The following ADAMTS20 variants were observed in gnomAD, a reference collection of about 807,000 sequenced individuals.
The protein encoded by ADAMTS20 is ADAM metallopeptidase with thrombospondin type 1 motif 20.
In ADAMTS20, 225 loss-of-function variants were observed where a neutral mutation model predicts 260.1. The ratio of observed to expected loss-of-function variants is 0.87; its 90% CI spans 0.78 to 0.97. ADAMTS20 has a LOEUF of 0.97. Among genes scored for constraint, ADAMTS20 ranks in the 50% least tolerant of loss-of-function variants. ADAMTS20 has a pLI of 0.00. For synonymous variants in ADAMTS20, 802 were observed against 769.5 expected, an observed-to-expected ratio of 1.04 and a Z score of -0.70; for missense variants, 2,400 against 2,337.7, an observed-to-expected ratio of 1.03 and a Z score of -0.55.
Position 43,532,065 on chromosome 12 carries a change from AG to A in ADAMTS20, c.583del (p.Leu195CysfsTer4). The A allele has an allele frequency of 6.2e-7, 1 of 1,605,684 alleles. No individual in the cohort carries two copies. On this transcript the variant is annotated frameshift_variant, in exon 3 of 39. Coordinates refer to ENST00000389420, the MANE Select transcript of ADAMTS20 (RefSeq NM_025003.5). LOFTEE classifies it high-confidence loss of function. ...IYRQDLNNSF[L>X]QTLKYCSVSE... ...CACACTGCAATACTTCAGAGTCTGC[AG>A]AAAAGAGTTATTTAAGTCTTGTCTG...
intron 18 of ADAMTS20, among the ~76,000 whole-genome samples, chr12:43,435,974 G>A (rs1332922766): frequency 1.3e-5 from 2 of 152,080 alleles, no homozygotes; most frequent in African/African-American, 4.8e-5. Context: ...GTTCAACTTT[G>A]TGCTTCCAGT....
At chr12:43,425,122 T>C (rs935753069) in intron 28 of ADAMTS20, among the ~76,000 whole-genome samples, 4 of 152,154 alleles carry the variant, frequency 2.6e-5, no homozygotes, top group Admixed American at 6.5e-5. Context: ...ATGGATAGAA[T>C]TGGATACCAT....
chr12:43,472,291 G>T (rs925161969), intron 7 of ADAMTS20, among the ~76,000 whole-genome samples: 4 of 152,020 alleles, frequency 2.6e-5, no homozygotes, highest in Non-Finnish European at 5.9e-5. Context: ...ACAGAAAAAA[G>T]AATGAAAAGA....
intron 29 of ADAMTS20, among the ~76,000 whole-genome samples, chr12:43,391,656 T>C (rs1940599280): frequency 6.6e-6 from 1 of 152,180 alleles, no homozygotes; most frequent in South Asian, 2.1e-4. Context: ...GATCCATTAG[T>C]ATTCCCAACT....
chr12:43,429,106 G>C (rs1244806243), intron 24 of ADAMTS20, among the ~76,000 whole-genome samples: 2 of 151,848 alleles, frequency 1.3e-5, no homozygotes, highest in African/African-American at 4.8e-5. Flanking sequence ...TTAGGTAAGA[G>C]AATCTTATGA....
intron 28 of ADAMTS20, among the ~76,000 whole-genome samples, chr12:43,399,648 T>G (rs965650568): frequency 3.9e-5 from 6 of 152,148 alleles, no homozygotes; most frequent in African/African-American, 1.4e-4. Context: ...CTGTAAAGTA[T>G]GTTTTCTATG....
chr12:43,471,036 G>A (rs559698869), intron 7 of ADAMTS20, among the ~76,000 whole-genome samples: 101 of 152,270 alleles, frequency 6.6e-4, no homozygotes, highest in African/African-American at 2.3e-3. Flanking sequence ...CGTGAGCGAC[G>A]CAGAAGACGG....
In ADAMTS20 at chr12:43,464,652, T is replaced by C. The variant is rs1465135398; in HGVS notation, c.1448A>G (p.Tyr483Cys). The C allele has an allele frequency of 6.2e-7, 1 of 1,613,476 alleles. No homozygotes were observed. The highest frequency in any genetic ancestry group is 8.5e-7 in the Non-Finnish European group (1 of 1,179,494). The change falls in exon 10 of 39, where the codon TAT (tyrosine) becomes TGT (cysteine). Residue 483 changes from tyrosine to cysteine, a missense_variant. By Grantham distance (194) the Tyr-to-Cys change is radical (BLOSUM62 -2). Coordinates refer to ENST00000389420, the MANE Select transcript of ADAMTS20 (RefSeq NM_025003.5). Reference sequence around the variant, plus strand: ...AAGCTCACACTGCTTGTTTCCATCATATCGTGATCCAGGAAGTTCTGAAGG... The same window carrying C: ...AAGCTCACACTGCTTGTTTCCATCACATCGTGATCCAGGAAGTTCTGAAGG... Reference protein sequence around the residue: ...NLPSELPGSRYDGNKQCELAF... With the variant: ...NLPSELPGSRCDGNKQCELAF...
At chr12:43,525,352 C>T (rs1378215239) in intron 3 of ADAMTS20, among the ~76,000 whole-genome samples, 1 of 152,172 alleles carries the variant, frequency 6.6e-6, no homozygotes, top group Non-Finnish European at 1.5e-5. Flanking sequence ...TACTACCAGA[C>T]CATCCCTATA....
Position 43,425,679 on chromosome 12 carries a change from T to A in ADAMTS20, c.4119A>T (p.Thr1373=), listed in dbSNP as rs746237024. The A allele has an allele frequency of 2.5e-6, 4 of 1,594,098 alleles. No individual in the cohort carries two copies. The highest frequency in any genetic ancestry group is 3.4e-6 in the Non-Finnish European group (4 of 1,166,874). ...GTCTTGATTTTATTCCTCCTCCACA[T>A]GTTTGTGAACACTAAAAACAAGAAT... The part of the protein sequence containing the change: ...NYGNWGECSQ[T]CGGGIKSRLV... The change falls in exon 28 of 39, where the codon ACA becomes ACT. Residue 1373 remains threonine, a synonymous_variant. Coordinates refer to ENST00000389420, the MANE Select transcript of ADAMTS20 (RefSeq NM_025003.5).
chr12:43,464,001 A>G (rs1240268761), intron 10 of ADAMTS20, among the ~76,000 whole-genome samples: 1 of 152,104 alleles, frequency 6.6e-6, no homozygotes, highest in Non-Finnish European at 1.5e-5. Flanking sequence ...TTCTAAACTA[A>G]ATCCTAAATT....
intron 31 of ADAMTS20, among the ~76,000 whole-genome samples, chr12:43,380,985 T>G (rs577404153): frequency 6.6e-6 from 1 of 152,256 alleles, no homozygotes; most frequent in Non-Finnish European, 1.5e-5. Context: ...ACTTCAAAAC[T>G]TACTATAAAA....
chr12:43,477,809 G>A (rs546588101), intron 7 of ADAMTS20, among the ~76,000 whole-genome samples: 2 of 152,320 alleles, frequency 1.3e-5, no homozygotes, highest in South Asian at 2.1e-4. Flanking sequence ...GGTCCAAAGA[G>A]TAAGAGCTTG....
intron 21 of ADAMTS20, among the ~76,000 whole-genome samples, chr12:43,431,799 A>C (rs926730785): frequency 2.0e-5 from 3 of 152,164 alleles, no homozygotes; most frequent in Non-Finnish European, 2.9e-5. Context: ...GTTATAGATT[A>C]AATATCAGTT....
intron 6 of ADAMTS20, 63 bp from the exon 7 acceptor site, chr12:43,490,498 A>T (rs1464409935): frequency 1.2e-6 from 1 of 858,434 alleles, no homozygotes; most frequent in Non-Finnish European, 1.7e-6. Context: ...AGCCAAAATA[A>T]AAATAAAGAA....
intron 4 of ADAMTS20, among the ~76,000 whole-genome samples, chr12:43,498,875 C>A (rs1423634539): frequency 1.3e-5 from 2 of 152,154 alleles, no homozygotes; most frequent in Non-Finnish European, 2.9e-5. Flanking sequence ...CACCCTTTCT[C>A]TTAAGTTCCC....
intron 37 of ADAMTS20, among the ~76,000 whole-genome samples, chr12:43,360,789 C>G (rs1281453345): frequency 6.6e-6 from 1 of 152,034 alleles, no homozygotes; most frequent in African/African-American, 2.4e-5. Context: ...ACAATGTAAT[C>G]GAAAGGGTAG....
chr12:43,462,119 T>C (rs1307889155), intron 11 of ADAMTS20, among the ~76,000 whole-genome samples: 1 of 152,240 alleles, frequency 6.6e-6, no homozygotes, highest in East Asian at 1.9e-4. Context: ...AAAGTTCAGC[T>C]ACTGAACTGA....
chr12:43,475,930 A>G (rs61926771), intron 7 of ADAMTS20, among the ~76,000 whole-genome samples: 4 of 130,274 alleles, frequency 3.1e-5, no homozygotes, highest in East Asian at 2.4e-4. Context: ...GGACATAGGC[A>G]TGGGCAAGGA....
Sources: allele counts gnomAD v4.1 joint callset (sites outside exome capture counted in the v4.1 genomes callset), GRCh38; gene constraint gnomAD v4.1.1; transcripts MANE v1.5; gene names NCBI Gene and HGNC (gene_info 2026-07-23, HGNC 2026-07-21).